Variants in LEPR observed in about 807,000 individuals in gnomAD.
LEPR encodes OB receptor.
LEPR carries 56 observed loss-of-function variants against 114.7 expected under a neutral mutation model. The observed-to-expected ratio is 0.49, with a 90% CI of 0.39 to 0.61. The LOEUF (loss-of-function observed/expected upper bound fraction) is 0.61, where lower values mean the gene tolerates loss of function less well. LEPR is among the 20% of genes least tolerant of loss of function. LEPR has a pLI of 0.00. For missense variants in LEPR, 1,202 were observed against 1,352.9 expected (o/e 0.89, Z 1.75); for synonymous variants, 443 against 461.4 (o/e 0.96, Z 0.51).
At chr1:65,595,790 G>A (rs1656023755) in intron 6 of LEPR, among the ~76,000 whole-genome samples, 3 of 151,950 alleles carry the variant, frequency 2.0e-5, no homozygotes, top group Admixed American at 2.0e-4. Context: ...TCACTTTGGC[G>A]ATCTTTATAT....
At chr1:65,434,258 T>C in intron 2 of LEPR, 1 of 981,518 alleles carries the variant, frequency 1.0e-6, no homozygotes, top group Non-Finnish European at 1.2e-6. Flanking sequence ...TATCTGAATA[T>C]ATAATACAAA....
chr1:65,525,533 C>A, intron 2 of LEPR: 1 of 741,412 alleles, frequency 1.3e-6, no homozygotes, highest in Non-Finnish European at 1.6e-6. Flanking sequence ...CGCTCGAGTC[C>A]GCTCCTCCCG....
chr1:65,457,506 T>A (rs1013074289), intron 2 of LEPR, among the ~76,000 whole-genome samples: 1 of 152,228 alleles, frequency 6.6e-6, no homozygotes, highest in African/African-American at 2.4e-5. Flanking sequence ...CCATTCTTCA[T>A]GTCTATTACA....
intron 2 of LEPR, among the ~76,000 whole-genome samples, chr1:65,461,483 CAG>C (rs1304817352): frequency 2.0e-5 from 3 of 152,072 alleles, no homozygotes; most frequent in Non-Finnish European, 2.9e-5. Context: ...TGGCTGAAGA[CAG>C]AAAAACTTGA....
intron 2 of LEPR, among the ~76,000 whole-genome samples, chr1:65,450,565 T>C (rs1297058881): frequency 7.1e-6 from 1 of 140,600 alleles, no homozygotes; most frequent in Non-Finnish European, 1.5e-5. Context: ...CTGAGAATGA[T>C]GATTTCCAAT....
intron 1 of LEPR, chr1:65,421,247 G>C: frequency 4.3e-6 from 6 of 1,388,508 alleles, no homozygotes; most frequent in Non-Finnish European, 5.7e-6. Context: ...CCAGAAAGAC[G>C]GTGTTTCTCG....
chr1:65,527,665 G>A (rs1782754), intron 2 of LEPR, among the ~76,000 whole-genome samples: 107,260 of 152,032 alleles, frequency 0.71, 38,788 homozygotes, highest in Middle Eastern at 0.88. Flanking sequence ...TTTGTATGCA[G>A]TTTGGGAGAG....
intron 2 of LEPR, among the ~76,000 whole-genome samples, chr1:65,541,065 C>T (rs1347493859): frequency 1.3e-5 from 2 of 152,200 alleles, no homozygotes; most frequent in South Asian, 2.1e-4. Flanking sequence ...TCAAGTGATC[C>T]GCCTGCCTTG....
chr1:65,521,137 G>T (rs753372926), intron 2 of LEPR, among the ~76,000 whole-genome samples: 1 of 152,216 alleles, frequency 6.6e-6, no homozygotes, highest in Non-Finnish European at 1.5e-5. Flanking sequence ...AGACGATTCC[G>T]ATGATTCTGG....
intron 2 of LEPR, among the ~76,000 whole-genome samples, chr1:65,452,349 C>G (rs1163046324): frequency 1.3e-5 from 2 of 149,530 alleles, no homozygotes; most frequent in Non-Finnish European, 3.0e-5. Context: ...GCATCCCTGT[C>G]TTGTGCCAGT....
rs536862744 is a variant in LEPR, at chr1:65,498,461, A to T, written c.-20-67085A>T. On this transcript the variant is annotated intron_variant, in intron 2 of 19. Transcript: ENST00000349533. The stretch of plus-strand genomic sequence containing the variant: ...ACTATTACAAAAAAAACTGTAAAAG[A>T]GAGTGGTAAATGCAGAGTAGATGGA... 7.6e-4 allele frequency among the ~76,000 whole-genome samples: 116 copies of T among 152,066 alleles called. 1 individual carries two copies. Among genetic ancestry groups the T allele is most frequent in the Non-Finnish European group, 1.3e-3 (86 of 67,998 alleles).
chr1:65,581,332 G>GGTGCCAGGTTCTGGCCTGA (rs1553167962), intron 5 of LEPR, among the ~76,000 whole-genome samples: 4 of 151,918 alleles, frequency 2.6e-5, no homozygotes, highest in African/African-American at 9.7e-5. Flanking sequence ...CCCCCTTCTG[G>GGTGCCAGGTTCTGGCCTGA]GTGCCAGGTT....
At position 65,592,654 on chromosome 1, in the gene LEPR, T is replaced by C. The variant is rs375979449; in HGVS notation, c.495-3T>C. 38 of 1,612,712 alleles carry C rather than the reference T, an allele frequency of 2.4e-5. No homozygotes were observed. The highest frequency in any genetic ancestry group is 1.3e-5 in the African/African-American group (1 of 74,874). On this transcript the variant is annotated splice_polypyrimidine_tract_variant and splice_region_variant and intron_variant, in intron 5 of 19. Transcript: ENST00000349533. ...AATATTTAGCTCTTATTTTTCAATATAGGCCTGAAGTGTTAGAAGATTCAC... is the reference window on the plus strand; with the variant it reads ...AATATTTAGCTCTTATTTTTCAATACAGGCCTGAAGTGTTAGAAGATTCAC...
At chr1:65,495,932 T>C (rs1039106398) in intron 2 of LEPR, among the ~76,000 whole-genome samples, 1 of 152,138 alleles carries the variant, frequency 6.6e-6, no homozygotes, top group Non-Finnish European at 1.5e-5. Context: ...GAGACATTGG[T>C]TAACAAGTAC....
intron 5 of LEPR, chr1:65,577,127 T>G (rs1654643306): frequency 5.8e-6 from 1 of 173,126 alleles, no homozygotes. Context: ...TATCAATCAC[T>G]GAGAACATCA....
chr1:65,552,180 C>A (rs531754146), intron 2 of LEPR, among the ~76,000 whole-genome samples: 3 of 152,256 alleles, frequency 2.0e-5, no homozygotes, highest in Admixed American at 2.0e-4. Context: ...AATGTATATT[C>A]TGTTGATTTG....
chr1:65,571,626 T>G (rs1419064236), intron 4 of LEPR, among the ~76,000 whole-genome samples: 2 of 147,618 alleles, frequency 1.4e-5, no homozygotes, highest in African/African-American at 5.0e-5. Context: ...GACCTTGTTA[T>G]GATGTTGGCA....
At chr1:65,429,756 G>T (rs1241571977) in intron 2 of LEPR, 5 of 967,528 alleles carry the variant, frequency 5.2e-6, no homozygotes, top group Non-Finnish European at 7.3e-6. Context: ...TTAATTTTTT[G>T]ACCTAAACAT....
intron 1 of LEPR, 80 bp downstream of exon 1, chr1:65,420,820 C>A: frequency 6.6e-7 from 1 of 1,514,276 alleles, no homozygotes; most frequent in Non-Finnish European, 8.9e-7. Context: ...CTGCGCCTTC[C>A]GCGCGCCGTT....
Sources: gnomAD v4.1 joint callset for allele counts (sites outside exome capture counted in the v4.1 genomes callset) on GRCh38, gnomAD v4.1.1 for gene constraint, MANE v1.5 for transcripts, NCBI Gene and HGNC (gene_info 2026-07-23, HGNC 2026-07-21) for gene names.